MSRA: variants seen among roughly 807,000 people sequenced by gnomAD.
MSRA encodes the protein methionine sulfoxide reductase A, also known as mitochondrial peptide methionine sulfoxide reductase.
A neutral mutation model predicts 31.3 loss-of-function variants in MSRA; 54 were observed. The ratio of observed to expected loss-of-function variants is 1.73; its 90% CI spans 1.39 to 2.17. MSRA has a LOEUF of 2.17. Among genes scored for constraint, MSRA ranks in the 30% most tolerant of loss-of-function variants. The probability of loss-of-function intolerance (pLI) is 0.00; values close to 1 mark genes in which losing one functional copy is unlikely to be tolerated. For missense variants in MSRA, 507 were observed against 300.9 expected (o/e 1.69, Z -5.07); for synonymous variants, 169 against 116.5 (o/e 1.45, Z -2.90).
intron 2 of MSRA, among the ~76,000 whole-genome samples, chr8:10,217,225 G>C (rs1213177184): frequency 6.6e-6 from 1 of 152,162 alleles, no homozygotes; most frequent in Non-Finnish European, 1.5e-5. Context: ...TACTTAGGAG[G>C]ACACTATATG....
chr8:10,365,103 C>G (rs931659144), intron 5 of MSRA, among the ~76,000 whole-genome samples: 1 of 142,146 alleles, frequency 7.0e-6, no homozygotes, highest in East Asian at 2.0e-4. Context: ...TTTCTCTGTG[C>G]TGACTTCTAA....
chr8:10,323,816 G>C (rs112266270), intron 5 of MSRA, among the ~76,000 whole-genome samples: 12,420 of 151,452 alleles, frequency 0.082, 700 homozygotes, highest in South Asian at 0.16. Context: ...CTATGTGTCT[G>C]TTTGGCTTTT....
intron 1 of MSRA, among the ~76,000 whole-genome samples, chr8:10,057,227 G>T (rs762008678): frequency 2.0e-4 from 31 of 152,292 alleles, no homozygotes; most frequent in Non-Finnish European, 3.2e-4. Context: ...TTCAGGTTAG[G>T]GGGCATCTGG....
intron 4 of MSRA, among the ~76,000 whole-genome samples, chr8:10,312,479 C>T (rs931938783): frequency 6.6e-6 from 1 of 152,122 alleles, no homozygotes; most frequent in Non-Finnish European, 1.5e-5. Flanking sequence ...TGAGTTCTCC[C>T]AACATTTAAG....
At chr8:10,150,331 G>C (rs1369966763) in intron 1 of MSRA, among the ~76,000 whole-genome samples, 1 of 152,044 alleles carries the variant, frequency 6.6e-6, no homozygotes, top group Non-Finnish European at 1.5e-5. Context: ...GAGAAAATCA[G>C]TCTGTCATAT....
At chr8:10,184,403 A>G (rs1420426108) in intron 1 of MSRA, among the ~76,000 whole-genome samples, 2 of 152,222 alleles carry the variant, frequency 1.3e-5, no homozygotes, top group East Asian at 1.9e-4. Context: ...GCCTGGGAAC[A>G]GTAAACCTTG....
rs1396726176 is a variant in MSRA, at chr8:10,074,056, T to C, written c.142+19398T>C. ...TCCATTTTGTTTTGTCTAAGGGAGGTGCTTTTTTTTTTTTTTTTTTTTTTT... is the reference window on the plus strand; with the variant it reads ...TCCATTTTGTTTTGTCTAAGGGAGGCGCTTTTTTTTTTTTTTTTTTTTTTT... On this transcript the variant is annotated intron_variant, in intron 1 of 5. Coordinates refer to ENST00000317173, the MANE Select transcript of MSRA (RefSeq NM_012331.5). 2.9e-5 allele frequency among the ~76,000 whole-genome samples: 3 copies of C among 101,956 alleles called. No individual in the cohort carries two copies. In the Admixed American group the frequency reaches 3.6e-4, roughly 12 times the overall value. 66.9% of individuals were successfully genotyped at this position (101,956 alleles called of 152,430 possible).
chr8:10,168,462 A>C (rs886415786), intron 1 of MSRA, among the ~76,000 whole-genome samples: 7 of 152,216 alleles, frequency 4.6e-5, no homozygotes, highest in African/African-American at 1.7e-4. Flanking sequence ...AGCCTGGCAC[A>C]CAAATAATTT....
At chr8:10,240,553 C>T (rs1249457253) in intron 2 of MSRA, among the ~76,000 whole-genome samples, 1 of 152,156 alleles carries the variant, frequency 6.6e-6, no homozygotes, top group Non-Finnish European at 1.5e-5. Context: ...TACTCACTCC[C>T]ACATGTCCAC....
At chr8:10,171,816 G>T (rs1238480268) in intron 1 of MSRA, among the ~76,000 whole-genome samples, 1 of 152,180 alleles carries the variant, frequency 6.6e-6, no homozygotes, top group East Asian at 1.9e-4. Context: ...TAATAATTCT[G>T]TTAACAACTG....
chr8:10,124,527 T>G (rs930471266), intron 1 of MSRA, among the ~76,000 whole-genome samples: 1 of 152,278 alleles, frequency 6.6e-6, no homozygotes, highest in Admixed American at 6.5e-5. Flanking sequence ...GGTGCCATAA[T>G]TGGAGCTAGG....
intron 1 of MSRA, among the ~76,000 whole-genome samples, chr8:10,057,626 A>T (rs186474213): frequency 1.3e-5 from 2 of 152,302 alleles, no homozygotes; most frequent in Admixed American, 1.3e-4. Flanking sequence ...TGATTGAAAC[A>T]TGCGGGGGGT....
At chr8:10,111,660 G>C (rs772510227) in intron 1 of MSRA, among the ~76,000 whole-genome samples, 3 of 152,214 alleles carry the variant, frequency 2.0e-5, no homozygotes, top group Non-Finnish European at 2.9e-5. Context: ...TAGAAGGAAT[G>C]GGAATGTTCT....
chr8:10,113,292 CTT>C (rs10665004), intron 1 of MSRA, among the ~76,000 whole-genome samples: 38 of 57,608 alleles, frequency 6.6e-4, no homozygotes, highest in African/African-American at 1.2e-3. Flanking sequence ...GACAGGTCTT[CTT>C]TTTTTTTTTT....
chr8:10,080,087 C>A (rs990343225), intron 1 of MSRA, among the ~76,000 whole-genome samples: 4 of 152,176 alleles, frequency 2.6e-5, no homozygotes, highest in Admixed American at 6.5e-5. Context: ...GTCTCACTTG[C>A]TTTTCTCCCC....
intron 5 of MSRA, among the ~76,000 whole-genome samples, chr8:10,347,495 A>G (rs992522500): frequency 6.6e-6 from 1 of 152,110 alleles, no homozygotes; most frequent in Admixed American, 6.5e-5. Context: ...GGTCCCCATC[A>G]TCTTCATCTC....
chr8:10,179,167 T>G (rs932945208), intron 1 of MSRA, among the ~76,000 whole-genome samples: 1 of 152,202 alleles, frequency 6.6e-6, no homozygotes, highest in Admixed American at 6.5e-5. Flanking sequence ...TTTTAATAAT[T>G]GAATTATTTT....
chr8:10,392,322 C>G (rs985664511), intron 5 of MSRA, among the ~76,000 whole-genome samples: 1 of 152,158 alleles, frequency 6.6e-6, no homozygotes, highest in Non-Finnish European at 1.5e-5. Flanking sequence ...CAGCTTGGAT[C>G]GTGATGGCTA....
At chr8:10,423,152 G>A (rs1808915818) in intron 5 of MSRA, among the ~76,000 whole-genome samples, 1 of 152,174 alleles carries the variant, frequency 6.6e-6, no homozygotes, top group African/African-American at 2.4e-5. Flanking sequence ...CGACGGGAGA[G>A]GGGAGAGGCC....
Sources: allele counts gnomAD v4.1 joint callset (sites outside exome capture counted in the v4.1 genomes callset), GRCh38; gene constraint gnomAD v4.1.1; transcripts MANE v1.5; gene names NCBI Gene and HGNC (gene_info 2026-07-23, HGNC 2026-07-21).